Variants in GLIS3 observed in about 807,000 individuals in gnomAD.
GLIS3 encodes the protein GLIS family zinc finger 3, also known as zinc finger protein GLIS3.
A neutral mutation model predicts 78.6 loss-of-function variants in GLIS3; 53 were observed. The observed-to-expected ratio is 0.67, with a 90% CI of 0.54 to 0.85. The LOEUF (loss-of-function observed/expected upper bound fraction) is 0.85, where lower values mean the gene tolerates loss of function less well. Ranked by LOEUF, GLIS3 falls within the 40% of genes least tolerant of loss-of-function variation. The pLI is 0.00. For missense variants in GLIS3, 1,703 were observed against 1,231.1 expected, an observed-to-expected ratio of 1.38 and a Z score of -5.74; for synonymous variants, 684 against 509.9, an observed-to-expected ratio of 1.34 and a Z score of -4.60.
intron 2 of GLIS3, among the ~76,000 whole-genome samples, chr9:4,265,010 C>G (rs1371785392): frequency 7.0e-6 from 1 of 143,024 alleles, no homozygotes; most frequent in Admixed American, 7.0e-5. Context: ...ACTAAAAATA[C>G]AAAAAAAAAA....
At chr9:4,099,131 G>A (rs1158975026) in intron 4 of GLIS3, among the ~76,000 whole-genome samples, 1 of 152,218 alleles carries the variant, frequency 6.6e-6, no homozygotes, top group African/African-American at 2.4e-5. Context: ...GCCTGCAGGT[G>A]GCCAGCACAT....
the GLIS3 span, among the ~76,000 whole-genome samples, chr9:4,452,577 A>G: frequency 6.6e-6 from 1 of 152,210 alleles, no homozygotes; most frequent in Non-Finnish European, 1.5e-5. Context: ...CAATTGCTAC[A>G]AAGAGGACAA....
chr9:3,840,175 A>G lies in GLIS3; in HGVS notation c.2474-10683T>C, dbSNP rs957242140. Among the ~76,000 whole-genome samples, 10 of 152,348 alleles carry G rather than the reference A, an allele frequency of 6.6e-5. No homozygotes were observed. In the East Asian group the frequency reaches 1.7e-3, roughly 26 times the overall value. On this transcript the variant is annotated intron_variant, in intron 9 of 10. Transcript: ENST00000381971. Reference sequence around the variant, plus strand: ...CTGGCACATAGTAGGCCTTAAGTTCAACTATGTAACCATGAAATAAGCTTA... The same window carrying G: ...CTGGCACATAGTAGGCCTTAAGTTCGACTATGTAACCATGAAATAAGCTTA...
intron 2 of GLIS3, among the ~76,000 whole-genome samples, chr9:4,212,289 A>T (rs942636059): frequency 3.3e-5 from 5 of 152,238 alleles, no homozygotes; most frequent in African/African-American, 1.2e-4. Flanking sequence ...CTAATGATCC[A>T]CAGTGATGTC....
intron 4 of GLIS3, among the ~76,000 whole-genome samples, chr9:4,018,475 A>C (rs1822614875): frequency 6.6e-6 from 1 of 152,182 alleles, no homozygotes; most frequent in Admixed American, 6.5e-5. Context: ...TTTTCAAGTC[A>C]TTGTTTATCA....
intron 6 of GLIS3, among the ~76,000 whole-genome samples, chr9:3,908,706 G>GC (rs1823892779): frequency 1.2e-5 from 1 of 85,562 alleles, no homozygotes; most frequent in East Asian, 3.5e-4. Flanking sequence ...ATTTGTATTT[G>GC]TTTTTTTTTT....
chr9:4,371,119 G>A, the GLIS3 span, among the ~76,000 whole-genome samples: 1 of 151,948 alleles, frequency 6.6e-6, no homozygotes, highest in African/African-American at 2.4e-5. Context: ...ATAATTTTTT[G>A]GTTCTTTTTA....
the GLIS3 span, among the ~76,000 whole-genome samples, chr9:4,422,360 T>G: frequency 1.3e-5 from 2 of 152,278 alleles, no homozygotes; most frequent in South Asian, 4.1e-4. Flanking sequence ...AGGCCTTAAA[T>G]AAATAATCTT....
At chr9:4,109,401 T>C (rs1831030627) in intron 4 of GLIS3, among the ~76,000 whole-genome samples, 1 of 152,224 alleles carries the variant, frequency 6.6e-6, no homozygotes, top group African/African-American at 2.4e-5. Context: ...GATTTTTAAT[T>C]GTTTTCTTTA....
At position 3,828,256 on chromosome 9, in the gene GLIS3, G is replaced by C. The variant is rs754195885; in HGVS notation, c.*16C>G. ...ACATCAAGGTCCTGGGTGTGCAGGA[G>C]TGGCCAAGAGAGCTTTTAGCCTTCG... is the stretch of plus-strand genomic sequence containing the variant. On this transcript the variant is annotated 3_prime_UTR_variant, in exon 11 of 11. Transcript: ENST00000381971. The C allele has an allele frequency of 1.2e-6, 2 of 1,613,994 alleles. No individual in the cohort carries two copies. The highest frequency in any genetic ancestry group is 2.2e-5 in the East Asian group (1 of 44,880).
chr9:3,832,085 T>C (rs1432535404), intron 9 of GLIS3, among the ~76,000 whole-genome samples: 2 of 151,874 alleles, frequency 1.3e-5, no homozygotes, highest in Non-Finnish European at 2.9e-5. Flanking sequence ...ACTTAGCTTC[T>C]TGGTGCCTCA....
the GLIS3 span, among the ~76,000 whole-genome samples, chr9:4,468,974 G>A: frequency 1.3e-5 from 2 of 151,940 alleles, no homozygotes; most frequent in Non-Finnish European, 2.9e-5. Flanking sequence ...AAAAAACGCA[G>A]GATTTGCAAT....
chr9:4,189,361 G>A (rs532859862), intron 2 of GLIS3, among the ~76,000 whole-genome samples: 3 of 152,132 alleles, frequency 2.0e-5, no homozygotes, highest in Non-Finnish European at 4.4e-5. Flanking sequence ...TGGTCTGAGA[G>A]TTTGTTATAA....
intron 4 of GLIS3, among the ~76,000 whole-genome samples, chr9:4,112,525 C>T (rs544166284): frequency 6.6e-6 from 1 of 152,206 alleles, no homozygotes; most frequent in South Asian, 2.1e-4. Context: ...AAGCTGCATC[C>T]CAGGCCAATT....
At chr9:3,965,161 C>A (rs1331544672) in intron 4 of GLIS3, among the ~76,000 whole-genome samples, 1 of 149,382 alleles carries the variant, frequency 6.7e-6, no homozygotes, top group Non-Finnish European at 1.5e-5. Context: ...TTTCCTTTAC[C>A]CTACTTCTTT....
chr9:4,183,558 A>T (rs1213704450), intron 2 of GLIS3, among the ~76,000 whole-genome samples: 3 of 152,196 alleles, frequency 2.0e-5, no homozygotes, highest in Non-Finnish European at 4.4e-5. Flanking sequence ...CCTTGACTCC[A>T]AGCTGTGTGA....
intron 2 of GLIS3, among the ~76,000 whole-genome samples, chr9:4,344,168 G>C (rs1817872375): frequency 6.6e-6 from 1 of 151,984 alleles, no homozygotes; most frequent in Admixed American, 6.6e-5. Flanking sequence ...CCACTTCTCT[G>C]GTCCCCTTTA....
At chr9:4,412,121 C>T in the GLIS3 span, among the ~76,000 whole-genome samples, 3 of 152,188 alleles carry the variant, frequency 2.0e-5, no homozygotes, top group Non-Finnish European at 2.9e-5. Flanking sequence ...CATCCTACCA[C>T]CCAAATAGCC....
At chr9:4,464,810 G>A in the GLIS3 span, among the ~76,000 whole-genome samples, 1 of 152,226 alleles carries the variant, frequency 6.6e-6, no homozygotes, top group African/African-American at 2.4e-5. Flanking sequence ...AAGGTTGTAT[G>A]CAGAATATTG....
Sources: allele counts gnomAD v4.1 joint callset (sites outside exome capture counted in the v4.1 genomes callset), GRCh38; gene constraint gnomAD v4.1.1; transcripts MANE v1.5; gene names NCBI Gene and HGNC (gene_info 2026-07-23, HGNC 2026-07-21).